KRABD2: variants seen among roughly 807,000 people sequenced by gnomAD.
KRABD2 encodes the protein KRAB domain-containing protein 2.
chr17:8,369,474 T>C, the KRABD2 span: 3 of 1,613,958 alleles, frequency 1.9e-6, no homozygotes, highest in African/African-American at 1.3e-5. Flanking sequence ...GTGACATGAG[T>C]GGTTACTCTG....
the KRABD2 span, chr17:8,369,094 CAG>C: frequency 6.4e-7 from 1 of 1,567,474 alleles, no homozygotes; most frequent in Non-Finnish European, 8.6e-7. Context: ...TGACTATGCT[CAG>C]AGAGACACCT....
the KRABD2 span, among the ~76,000 whole-genome samples, chr17:8,363,852 T>TATATATAC: frequency 1.5e-4 from 13 of 89,176 alleles, no homozygotes; most frequent in Admixed American, 3.0e-4. Flanking sequence ...TATATATATA[T>TATATATAC]ATATATATAT....
the KRABD2 span, chr17:8,368,721 C>T: frequency 6.2e-6 from 1 of 160,304 alleles, no homozygotes; most frequent in Admixed American, 6.2e-5. Flanking sequence ...ACTGCAACCT[C>T]TGCCTCCTGG....
the KRABD2 span, chr17:8,373,677 C>T: frequency 6.2e-6 from 1 of 160,466 alleles, no homozygotes; most frequent in African/African-American, 2.5e-5. Context: ...GCCGCCCAGT[C>T]TGGGAAGTGA....
At chr17:8,374,790 C>G in the KRABD2 span, among the ~76,000 whole-genome samples, 1 of 149,960 alleles carries the variant, frequency 6.7e-6, no homozygotes. Flanking sequence ...ACCAAAAATA[C>G]AAAAAATTAG....
At chr17:8,363,830 CATATATA>C in the KRABD2 span, among the ~76,000 whole-genome samples, 1 of 87,014 alleles carries the variant, frequency 1.1e-5, no homozygotes. Context: ...ATATATCATA[CATATATA>C]TATATATATA....
At chr17:8,368,912 C>T in the KRABD2 span, 56 of 672,814 alleles carry the variant, frequency 8.3e-5, no homozygotes, top group South Asian at 5.6e-4. Context: ...GCTGGGATTA[C>T]GGGCATGAGC....
the KRABD2 span, chr17:8,371,803 T>C: frequency 5.2e-6 from 6 of 1,157,394 alleles, no homozygotes; most frequent in Non-Finnish European, 6.4e-6. Context: ...AATGGAAATA[T>C]TATATCTGTG....
chr17:8,364,722 G>C, the KRABD2 span, among the ~76,000 whole-genome samples: 2 of 151,780 alleles, frequency 1.3e-5, no homozygotes, highest in African/African-American at 2.4e-5. This position sits in a 1 kb window ranked among gnomAD's most constrained non-coding sequence, Gnocchi z 4.4. Context: ...TTAAAGTGTT[G>C]GCAATTAATT....
chr17:8,369,802 G>A, the KRABD2 span: 1 of 1,613,950 alleles, frequency 6.2e-7, no homozygotes, highest in African/African-American at 1.3e-5. Flanking sequence ...GCACTGGACT[G>A]CATGTCAAGT....
chr17:8,367,556 G>C, the KRABD2 span, among the ~76,000 whole-genome samples: 2 of 149,730 alleles, frequency 1.3e-5, no homozygotes, highest in African/African-American at 4.9e-5. Context: ...CCAGCTACTG[G>C]GGAGGCTGAG....
the KRABD2 span, among the ~76,000 whole-genome samples, chr17:8,375,185 G>T: frequency 6.6e-6 from 1 of 151,204 alleles, no homozygotes. Context: ...CTAATTTTTT[G>T]TATTTTTACT....
At chr17:8,367,565 A>C in the KRABD2 span, among the ~76,000 whole-genome samples, 4 of 150,008 alleles carry the variant, frequency 2.7e-5, no homozygotes, top group Middle Eastern at 3.2e-3. Flanking sequence ...GGGGAGGCTG[A>C]GGCAGGAGAA....
chr17:8,369,455 T>G, the KRABD2 span: 1 of 1,614,090 alleles, frequency 6.2e-7, no homozygotes, highest in Non-Finnish European at 8.5e-7. Context: ...ATCGGAGGCC[T>G]TTGGCCCAGT....
chr17:8,375,052 T>TGC, the KRABD2 span, among the ~76,000 whole-genome samples: 1 of 150,370 alleles, frequency 6.7e-6, no homozygotes, highest in Non-Finnish European at 1.5e-5. Context: ...TGCTCTGTCA[T>TGC]CCAGGCTGGA....
chr17:8,369,086 A>C, the KRABD2 span: 1 of 1,554,428 alleles, frequency 6.4e-7, no homozygotes, highest in Admixed American at 2.0e-5. Flanking sequence ...TTCTCAGATG[A>C]CTATGCTCAG....
the KRABD2 span, among the ~76,000 whole-genome samples, chr17:8,360,441 C>A: frequency 1.3e-5 from 2 of 152,024 alleles, no homozygotes; most frequent in Non-Finnish European, 2.9e-5. Flanking sequence ...ACAGTAGAGT[C>A]GACCATCTGG....
At chr17:8,369,011 T>C in the KRABD2 span, 2 of 1,423,888 alleles carry the variant, frequency 1.4e-6, no homozygotes, top group Non-Finnish European at 1.9e-6. Context: ...GAGCAAGGAC[T>C]GCCATGTACA....
At chr17:8,376,541 C>T in the KRABD2 span, 2 of 988,690 alleles carry the variant, frequency 2.0e-6, no homozygotes, top group African/African-American at 3.5e-5. Context: ...CTCCCACCGC[C>T]TGGATCCATG....
Sources: allele counts gnomAD v4.1 joint callset (sites outside exome capture counted in the v4.1 genomes callset), GRCh38; gene constraint gnomAD v4.1.1; non-coding constraint Gnocchi (gnomAD v3.1); transcripts MANE v1.5; gene names NCBI Gene and HGNC (gene_info 2026-07-23, HGNC 2026-07-21).